Variants in SS18L1 observed in about 807,000 individuals in gnomAD.
SS18L1 encodes the protein SS18L1 subunit of BAF chromatin remodeling complex, also known as calcium-responsive transactivator.
SS18L1 carries 32 observed loss-of-function variants against 70.3 expected under a neutral mutation model. The observed-to-expected ratio is 0.46, with a 90% CI of 0.34 to 0.61. SS18L1 has a LOEUF of 0.61. Ranked by LOEUF, SS18L1 falls within the 20% of genes least tolerant of loss-of-function variation. The pLI is 0.01. For synonymous variants in SS18L1, 237 were observed against 229.7 expected (o/e 1.03, Z -0.29); for missense variants, 430 against 542.1 (o/e 0.79, Z 2.05).
In SS18L1 at chr20:62,179,723, T is replaced by TGGGGGGGGGGGGGGGGGGGGG; in HGVS notation, c.*518_*519insGGGGGGGGGGGGGGGGGGGGG. 1 of 13,686 alleles carries TGGGGGGGGGGGGGGGGGGGGG rather than the reference T, an allele frequency of 7.3e-5. No homozygotes were observed. The highest frequency in any genetic ancestry group is 1.4e-4 in the Non-Finnish European group (1 of 6,960). 0.8% of individuals were successfully genotyped at this position (13,686 alleles called of 1,614,324 possible). ...TCTTCCTGTGCCTCGATGGGGTGGG[T>TGGGGGGGGGGGGGGGGGGGGG]GGGAGGGCATCTTCTGTGCGTTGGG... On this transcript the variant is annotated 3_prime_UTR_variant, in exon 11 of 11. Coordinates refer to ENST00000331758, the MANE Select transcript of SS18L1 (RefSeq NM_198935.3).
rs1601074531 is a variant in SS18L1, at chr20:62,181,786, A to C, written c.*2578A>C. 2 of 226,560 alleles carry C rather than the reference A, an allele frequency of 8.8e-6. No homozygotes were observed. The highest frequency in any genetic ancestry group is 1.3e-4 in the East Asian group (2 of 15,618). The allele number at this position is 226,560 out of a possible 1,614,324, so 14.0% of individuals were successfully genotyped here. On this transcript the variant is annotated 3_prime_UTR_variant, in exon 11 of 11. Coordinates refer to ENST00000331758, the MANE Select transcript of SS18L1 (RefSeq NM_198935.3). ...TCTATCTTCTGTCATATGAATGTTGAGCAAAGCTTAGGCCAACATGAATTG... is the reference window on the plus strand; with the variant it reads ...TCTATCTTCTGTCATATGAATGTTGCGCAAAGCTTAGGCCAACATGAATTG...
chr20:62,150,481 G>A (rs967140784), intron 1 of SS18L1, among the ~76,000 whole-genome samples: 3 of 152,212 alleles, frequency 2.0e-5, no homozygotes, highest in African/African-American at 4.8e-5. Flanking sequence ...TTGATTCTGC[G>A]TCTGTGTCCA....
chr20:62,177,829 C>A (rs1290852325), intron 10 of SS18L1, among the ~76,000 whole-genome samples: 1 of 150,146 alleles, frequency 6.7e-6, no homozygotes, highest in Non-Finnish European at 1.5e-5. Flanking sequence ...TCTAGCAATT[C>A]TCCTGCCTCA....
chr20:62,169,014 G>T (rs969928534), intron 8 of SS18L1, among the ~76,000 whole-genome samples: 2 of 152,094 alleles, frequency 1.3e-5, no homozygotes, highest in African/African-American at 4.8e-5. Flanking sequence ...GACAGCGGGG[G>T]CCACGGGGTC....
chr20:62,163,751 C>T (rs1401959106), intron 6 of SS18L1, 129 bp downstream of exon 6: 20 of 1,293,940 alleles, frequency 1.5e-5, no homozygotes, highest in Admixed American at 5.6e-5. Context: ...TGAGGCTTGG[C>T]GCCTTGGTGT....
chr20:62,150,583 G>A (rs1018391491), intron 1 of SS18L1, among the ~76,000 whole-genome samples: 8 of 142,214 alleles, frequency 5.6e-5, no homozygotes, highest in African/African-American at 1.5e-4. Flanking sequence ...AGAGTACTAC[G>A]TTGTGTCCAT....
At chr20:62,169,892 G>T (rs1316536391) in intron 8 of SS18L1, among the ~76,000 whole-genome samples, 2 of 152,202 alleles carry the variant, frequency 1.3e-5, no homozygotes, top group Non-Finnish European at 2.9e-5. Context: ...GGCGTGTCGT[G>T]TGCATTTCTC....
chr20:62,150,480 C>T (rs1024471615), intron 1 of SS18L1, among the ~76,000 whole-genome samples: 9 of 152,216 alleles, frequency 5.9e-5, no homozygotes, highest in East Asian at 1.9e-4. Flanking sequence ...ATTGATTCTG[C>T]GTCTGTGTCC....
At chr20:62,179,161 C>T in intron 10 of SS18L1, 21 bp from the exon 11 acceptor site, 1 of 1,614,052 alleles carries the variant, frequency 6.2e-7, no homozygotes, top group Admixed American at 1.7e-5. Context: ...GGGGTGTAAT[C>T]TGTGTCTTGA....
rs556126546 is a variant in SS18L1, at chr20:62,159,377, G to A, written c.147-500G>A. Among the ~76,000 whole-genome samples the A allele has an allele frequency of 2.6e-5, 4 of 152,216 alleles. No individual in the cohort carries two copies. Among genetic ancestry groups the A allele is most frequent in the Non-Finnish European group, 5.9e-5 (4 of 68,030 alleles). On this transcript the variant is annotated intron_variant, in intron 2 of 10. Transcript: ENST00000331758. This position sits in a 1 kb window ranked among gnomAD's most constrained non-coding sequence, Gnocchi z 4.4. The stretch of plus-strand genomic sequence containing the variant: ...CTCAGACACCCCTGGGTGTGGGTGG[G>A]GTGAAGGGACTGGGTCCCCACTGGT...
At chr20:62,152,608 C>T (rs1247391585) in intron 1 of SS18L1, among the ~76,000 whole-genome samples, 3 of 152,162 alleles carry the variant, frequency 2.0e-5, no homozygotes, top group Non-Finnish European at 4.4e-5. Flanking sequence ...CAGAAGACAG[C>T]AGTAAATACA....
intron 4 of SS18L1, 42 bp from the exon 5 acceptor site, chr20:62,162,710 G>A: frequency 6.4e-7 from 1 of 1,566,198 alleles, no homozygotes. Flanking sequence ...GTGGTGACCT[G>A]GCTCCCCAGT....
intron 1 of SS18L1, among the ~76,000 whole-genome samples, chr20:62,147,717 G>A (rs1014654794): frequency 1.3e-5 from 2 of 152,090 alleles, no homozygotes; most frequent in African/African-American, 4.8e-5. Flanking sequence ...CCCTGGGGCC[G>A]CCTGCTGGGT....
chr20:62,162,792 G>A lies in SS18L1; in HGVS notation c.417G>A (p.Thr139=), dbSNP rs116378530. ...CCATGCAGCAGACGGCGCCTAACAC[G>A]CTGCCCACCACCTCCATGAGCATCT... ...HVSMQQTAPN[T]LPTTSMSISG... Residue 139 remains threonine, a synonymous_variant, in exon 5 of 11, where the codon ACG becomes ACA. Transcript: ENST00000331758. The A allele has an allele frequency of 5.0e-6, 8 of 1,612,494 alleles. No individual in the cohort carries two copies. Among genetic ancestry groups the A allele is most frequent in the East Asian group, 2.2e-5 (1 of 44,850 alleles).
At chr20:62,170,964 C>T (rs987286068) in intron 8 of SS18L1, among the ~76,000 whole-genome samples, 14 of 151,240 alleles carry the variant, frequency 9.3e-5, no homozygotes, top group South Asian at 2.1e-4. Flanking sequence ...TGCAGTGATG[C>T]GATCTCGGCT....
Position 62,158,909 on chromosome 20 carries a change from G to A in SS18L1, c.146+161G>A, listed in dbSNP as rs766632328. On this transcript the variant is annotated intron_variant, in intron 2 of 10. Coordinates refer to ENST00000331758, the MANE Select transcript of SS18L1 (RefSeq NM_198935.3). The surrounding 1 kb of genome is among the most constrained non-coding windows in gnomAD (Gnocchi z 4.5). Reference sequence around the variant, plus strand: ...TGTCCCAGGAGTCCCCTGCACAGAGGCCAGATATGTCCCAGGAGTCCCCCA... The same window carrying A: ...TGTCCCAGGAGTCCCCTGCACAGAGACCAGATATGTCCCAGGAGTCCCCCA... The A allele has an allele frequency of 6.2e-7, 1 of 1,600,490 alleles. No homozygotes were observed. Among genetic ancestry groups the A allele is most frequent in the African/African-American group, 1.3e-5 (1 of 74,744 alleles).
intron 1 of SS18L1, among the ~76,000 whole-genome samples, 193 bp downstream of exon 1, chr20:62,144,082 T>A (rs1335221331): frequency 6.7e-6 from 1 of 148,732 alleles, no homozygotes; most frequent in Non-Finnish European, 1.5e-5. Flanking sequence ...CCCGGCCGTG[T>A]GGGGGGCGGT....
intron 1 of SS18L1, among the ~76,000 whole-genome samples, chr20:62,152,207 C>T (rs1393682748): frequency 2.0e-5 from 3 of 152,174 alleles, no homozygotes; most frequent in Non-Finnish European, 2.9e-5. Flanking sequence ...ATGCCCACGT[C>T]GGTCTTCACC....
chr20:62,168,343 A>G (rs2057471835), intron 8 of SS18L1, among the ~76,000 whole-genome samples: 1 of 152,184 alleles, frequency 6.6e-6, no homozygotes, highest in Non-Finnish European at 1.5e-5. Context: ...GGTACTGTGA[A>G]GTCTTGCAGG....
Sources: gnomAD v4.1 joint callset for allele counts (sites outside exome capture counted in the v4.1 genomes callset) on GRCh38, gnomAD v4.1.1 for gene constraint, Gnocchi (gnomAD v3.1) non-coding constraint, MANE v1.5 for transcripts, NCBI Gene and HGNC (gene_info 2026-07-23, HGNC 2026-07-21) for gene names.